The following ARHGEF1 variants were observed in gnomAD, a reference collection of about 807,000 sequenced individuals.
ARHGEF1 encodes the protein 115 kDa guanine nucleotide exchange factor.
ARHGEF1 carries 40 observed loss-of-function variants against 119.7 expected under a neutral mutation model. That is an observed-to-expected ratio of 0.33 (90% CI 0.26 to 0.44). The LOEUF (loss-of-function observed/expected upper bound fraction) is 0.44, where lower values mean the gene tolerates loss of function less well. Ranked by LOEUF, ARHGEF1 falls within the 20% of genes least tolerant of loss-of-function variation. The pLI, the probability that ARHGEF1 is intolerant of heterozygous loss-of-function variation, is 1.00. For missense variants in ARHGEF1, 976 were observed against 1,268.3 expected, an observed-to-expected ratio of 0.77 and a Z score of 3.50; for synonymous variants, 494 against 521.0, an observed-to-expected ratio of 0.95 and a Z score of 0.71.
At chr19:41,897,018 C>T in intron 13 of ARHGEF1, 1 of 439,000 alleles carries the variant, frequency 2.3e-6, no homozygotes, top group Non-Finnish European at 4.5e-6. Flanking sequence ...CACCTTCCAT[C>T]CCCCTCCGAT....
At position 41,906,463 on chromosome 19, in the gene ARHGEF1, C is replaced by T; in HGVS notation, c.2498C>T (p.Ser833Phe). 6.4e-7 allele frequency: 1 copy of T among 1,572,028 alleles called. No individual in the cohort carries two copies. Among genetic ancestry groups the T allele is most frequent in the Non-Finnish European group, 8.6e-7 (1 of 1,166,200 alleles). Reference sequence around the variant, plus strand: ...CCTCCTTGCCCCTGGCCAGTGCTGTCCCTGAAGCAGCTTCTGTTTCCGGCG... The same window carrying T: ...CCTCCTTGCCCCTGGCCAGTGCTGTTCCTGAAGCAGCTTCTGTTTCCGGCG... Reference protein sequence around the residue: ...LAATALRKVLSLKQLLFPAEE... With the variant: ...LAATALRKVLFLKQLLFPAEE... The change falls in exon 27 of 29, where the codon TCC (serine) becomes TTC (phenylalanine). Residue 833 changes from serine to phenylalanine, a missense_variant. Physicochemically the swap from Ser to Phe is radical, Grantham distance 155 (BLOSUM62 -2). Transcript: ENST00000354532. The surrounding 1 kb of genome is among the most constrained non-coding windows in gnomAD (Gnocchi z 4.5).
intron 13 of ARHGEF1, chr19:41,897,271 T>C (rs1555848017): frequency 4.7e-6 from 6 of 1,279,842 alleles, no homozygotes; most frequent in Non-Finnish European, 6.1e-6. Context: ...GTGGGTCAGG[T>C]TCCATCTGGG....
At position 41,906,003 on chromosome 19, in the gene ARHGEF1, C is replaced by T. The variant is rs782131330; in HGVS notation, c.2469C>T (p.Leu823=). Residue 823 remains leucine (L), a synonymous_variant, in exon 26 of 29, where the codon CTC becomes CTT. Transcript: ENST00000354532. This position sits in a 1 kb window ranked among gnomAD's most constrained non-coding sequence, Gnocchi z 4.5. The part of the protein sequence containing the change: ...PFCRPGPEGQ[L]AATALRKVLS... ...GCAGACCAGGCCCCGAGGGCCAGCT[C>T]GCTGCCACGGCCCTTCGGAAAGGTA... The T allele has an allele frequency of 2.4e-5, 39 of 1,614,036 alleles. No homozygotes were observed. The highest frequency in any genetic ancestry group is 3.0e-5 in the Non-Finnish European group (35 of 1,180,002).
exon 2 of ARHGEF1, chr19:41,928,949 G>A (rs1555853603): frequency 2.2e-6 from 1 of 456,006 alleles, no homozygotes; most frequent in Non-Finnish European, 4.4e-6. Context: ...CACGCAGCCT[G>A]GATAGGAGAT....
Position 41,914,693 on chromosome 19 carries a change from C to T in ARHGEF1, c.1865+7890C>T, listed in dbSNP as rs143826171. Among the ~76,000 whole-genome samples the T allele has an allele frequency of 1.2e-4, 3 of 24,422 alleles. 1 individual carries two copies. The highest frequency in any genetic ancestry group is 4.7e-3 in the South Asian group (2 of 422). The allele number at this position is 24,422 out of a possible 152,430, so 16.0% of individuals were successfully genotyped here. On this transcript the variant is annotated intron_variant, in intron 18 of 20. Coordinates refer to the ARHGEF1 transcript ENST00000599589. ...CCCTCCCCTTCCACCATCTCTGTCT[C>T]TCCCTCCCCTTCCACCATCTCTGTC...
Position 41,902,459 on chromosome 19 carries a change from C to T in ARHGEF1, c.1498-74C>T. The T allele has an allele frequency of 3.1e-6, 5 of 1,611,394 alleles. No homozygotes were observed. Among genetic ancestry groups the T allele is most frequent in the Non-Finnish European group, 4.2e-6 (5 of 1,178,906 alleles). On this transcript the variant is annotated intron_variant, in intron 16 of 28. Coordinates refer to ENST00000354532, the MANE Select transcript of ARHGEF1 (RefSeq NM_004706.4). This position sits in a 1 kb window ranked among gnomAD's most constrained non-coding sequence, Gnocchi z 6.5. ...ACTCCAGTCCCAGGGTCTGGGCTTCCAGCCTGTCGTACTTTAGTCCCTGTT... is the reference window on the plus strand; with the variant it reads ...ACTCCAGTCCCAGGGTCTGGGCTTCTAGCCTGTCGTACTTTAGTCCCTGTT...
In ARHGEF1 at chr19:41,905,529, ATG is replaced by A. The variant is rs113976656; in HGVS notation, c.2337-218_2337-217del. On this transcript the variant is annotated intron_variant, in intron 24 of 28. Transcript: ENST00000354532. This position sits in a 1 kb window ranked among gnomAD's most constrained non-coding sequence, Gnocchi z 6.4. The stretch of plus-strand genomic sequence containing the variant: ...CATGCGTGTGACAGCATGTGCATGC[ATG>A]TGTGTGTGTGTGCGCATGTGCCGAC... 114 of 610,642 alleles carry A rather than the reference ATG, an allele frequency of 1.9e-4. No homozygotes were observed. The highest frequency in any genetic ancestry group is 4.5e-4 in the South Asian group (23 of 50,570). 37.8% of individuals were successfully genotyped at this position (610,642 alleles called of 1,614,324 possible).
downstream of ARHGEF1, chr19:41,910,092 C>G: frequency 6.2e-7 from 1 of 1,612,282 alleles, no homozygotes; most frequent in Admixed American, 1.7e-5. The surrounding 1 kb of genome is among the most constrained non-coding windows in gnomAD (Gnocchi z 4.4). Flanking sequence ...TCCGGGAAGG[C>G]AAACCCTGGG....
At position 41,905,412 on chromosome 19, in the gene ARHGEF1, T is replaced by G; in HGVS notation, c.2336+151T>G. The stretch of plus-strand genomic sequence containing the variant: ...ATACATGTGTGTCTGTACGCAAGTA[T>G]GTGACTGTGCGTGCATATATAGTGT... On this transcript the variant is annotated intron_variant, in intron 24 of 28. Transcript: ENST00000354532. This position sits in a 1 kb window ranked among gnomAD's most constrained non-coding sequence, Gnocchi z 6.4. The G allele has an allele frequency of 1.4e-6, 1 of 700,486 alleles. No individual in the cohort carries two copies. The highest frequency in any genetic ancestry group is 2.4e-6 in the Non-Finnish European group (1 of 423,166). 43.4% of individuals were successfully genotyped at this position (700,486 alleles called of 1,614,324 possible).
rs2074613344 is a variant in ARHGEF1, at chr19:41,902,099, G to C, written c.1414+66G>C. ...CCACGGGCAGCTCTGCTCTAGCCCT[G>C]GGTTCAACCTGCTCGGGAACCCCAG... On this transcript the variant is annotated intron_variant, in intron 15 of 28. Transcript: ENST00000354532. This position sits in a 1 kb window ranked among gnomAD's most constrained non-coding sequence, Gnocchi z 6.5. 17 of 1,594,722 alleles carry C rather than the reference G, an allele frequency of 1.1e-5. No homozygotes were observed. In the South Asian group the frequency reaches 1.9e-4, roughly 18 times the overall value.
intron 14 of ARHGEF1, among the ~76,000 whole-genome samples, chr19:41,899,600 C>T (rs2074567175): frequency 2.0e-5 from 3 of 151,576 alleles, no homozygotes; most frequent in Admixed American, 2.0e-4. Flanking sequence ...ACCTACGCCT[C>T]CCAGGTTCAA....
intron 13 of ARHGEF1, chr19:41,898,064 A>G: frequency 7.4e-7 from 1 of 1,351,876 alleles, no homozygotes; most frequent in Non-Finnish European, 9.5e-7. Context: ...CGACGTGGAC[A>G]TGGACCCCAG....
intron 18 of ARHGEF1, among the ~76,000 whole-genome samples, chr19:41,913,603 C>T (rs2074767702): frequency 6.6e-6 from 1 of 151,674 alleles, no homozygotes; most frequent in Non-Finnish European, 1.5e-5. Context: ...GACCCTAGAC[C>T]TGCTGCTCAC....
upstream of ARHGEF1, among the ~76,000 whole-genome samples, chr19:41,918,312 A>C (rs1225347443): frequency 6.6e-6 from 1 of 151,466 alleles, no homozygotes; most frequent in African/African-American, 2.4e-5. Flanking sequence ...ACCTAGCCCC[A>C]CACACCACAT....
intron 13 of ARHGEF1, chr19:41,897,935 TCG>T: frequency 7.7e-7 from 1 of 1,300,400 alleles, no homozygotes; most frequent in Non-Finnish European, 9.7e-7. Context: ...GTCCTTGGCC[TCG>T]GGGTCCAGGC....
intron 18 of ARHGEF1, chr19:41,913,052 C>G (rs546497637): frequency 2.4e-6 from 1 of 410,294 alleles, no homozygotes. Context: ...AGCCTGACAC[C>G]CTCTCCCCGC....
At chr19:41,924,534 C>A (rs967657338) in intron 1 of ARHGEF1, among the ~76,000 whole-genome samples, 1 of 152,014 alleles carries the variant, frequency 6.6e-6, no homozygotes, top group Non-Finnish European at 1.5e-5. Context: ...TATCCTCATT[C>A]TCGTTGTCGC....
intron 18 of ARHGEF1, among the ~76,000 whole-genome samples, chr19:41,913,894 C>G (rs1465640002): frequency 1.3e-5 from 2 of 151,016 alleles, no homozygotes; most frequent in Non-Finnish European, 3.0e-5. Flanking sequence ...TCAGGCACTT[C>G]AGCCCCTCAC....
At chr19:41,894,784 G>T in intron 11 of ARHGEF1, 123 bp downstream of exon 11, 1 of 1,133,080 alleles carries the variant, frequency 8.8e-7, no homozygotes, top group Non-Finnish European at 1.3e-6. Context: ...GGGAGGAGGG[G>T]ATGGGGGCCT....
Sources: gnomAD v4.1 joint callset for allele counts (sites outside exome capture counted in the v4.1 genomes callset) on GRCh38, gnomAD v4.1.1 for gene constraint, Gnocchi (gnomAD v3.1) non-coding constraint, MANE v1.5 for transcripts, NCBI Gene and HGNC (gene_info 2026-07-23, HGNC 2026-07-21) for gene names.